PTPRD: variants seen among roughly 807,000 people sequenced by gnomAD.
The protein encoded by PTPRD is protein tyrosine phosphatase receptor type D.
In PTPRD, 34 loss-of-function variants were observed where a neutral mutation model predicts 214.5. That is an observed-to-expected ratio of 0.16 (90% CI 0.12 to 0.21). The LOEUF is 0.21. PTPRD is among the 10% of genes least tolerant of loss of function. The pLI is 1.00. For missense variants in PTPRD, 2,545 were observed against 2,398.7 expected, an observed-to-expected ratio of 1.06 and a Z score of -1.27; for synonymous variants, 1,128 against 845.7, an observed-to-expected ratio of 1.33 and a Z score of -5.79.
intron 8 of PTPRD, among the ~76,000 whole-genome samples, chr9:9,422,043 C>T (rs1369706197): frequency 1.3e-5 from 2 of 151,598 alleles, no homozygotes; most frequent in East Asian, 3.9e-4. Flanking sequence ...AAGCTTTTGA[C>T]ATCTATGGAC....
chr9:10,326,507 T>TTTG (rs967925994), intron 3 of PTPRD, among the ~76,000 whole-genome samples: 1 of 151,642 alleles, frequency 6.6e-6, no homozygotes, highest in Non-Finnish European at 1.5e-5. Flanking sequence ...TATTTATTTG[T>TTTG]TTGTTGTTGT....
At chr9:9,021,010 G>C (rs2099567927) in intron 10 of PTPRD, among the ~76,000 whole-genome samples, 1 of 152,054 alleles carries the variant, frequency 6.6e-6, no homozygotes, top group Non-Finnish European at 1.5e-5. Context: ...ATGTAGGCAG[G>C]ACACAAAAAC....
intron 3 of PTPRD, among the ~76,000 whole-genome samples, chr9:10,240,355 T>C (rs1434175868): frequency 1.3e-5 from 2 of 151,744 alleles, no homozygotes; most frequent in South Asian, 2.1e-4. Flanking sequence ...ACCCTTATGA[T>C]AGAGAGGAAA....
At chr9:10,269,763 C>T (rs558986733) in intron 3 of PTPRD, among the ~76,000 whole-genome samples, 1 of 151,176 alleles carries the variant, frequency 6.6e-6, no homozygotes, top group Admixed American at 6.6e-5. Context: ...TTGTGTTTTA[C>T]AAAAATATCT....
chr9:10,595,089 T>C (rs2076316191), intron 2 of PTPRD, among the ~76,000 whole-genome samples: 2 of 151,888 alleles, frequency 1.3e-5, no homozygotes, highest in African/African-American at 2.4e-5. Context: ...AATTTGCTTA[T>C]ATTGTTTCGT....
chr9:10,337,149 CA>C (rs1264576122), intron 3 of PTPRD, among the ~76,000 whole-genome samples: 3 of 151,588 alleles, frequency 2.0e-5, no homozygotes, highest in African/African-American at 7.3e-5. Context: ...TCGAGTGGCC[CA>C]ATTTTGGTTT....
At chr9:8,378,090 C>A (rs1475093805) in intron 37 of PTPRD, among the ~76,000 whole-genome samples, 1 of 152,070 alleles carries the variant, frequency 6.6e-6, no homozygotes, top group African/African-American at 2.4e-5. Flanking sequence ...TGAGACCACA[C>A]AAACATCATC....
At chr9:8,829,330 T>C (rs958642740) in intron 11 of PTPRD, among the ~76,000 whole-genome samples, 5 of 152,172 alleles carry the variant, frequency 3.3e-5, no homozygotes, top group Non-Finnish European at 7.3e-5. Flanking sequence ...ACTGTCATGA[T>C]TTTTGTCACT....
intron 10 of PTPRD, among the ~76,000 whole-genome samples, chr9:9,086,609 G>A (rs1346259860): frequency 6.6e-6 from 1 of 152,126 alleles, no homozygotes; most frequent in African/African-American, 2.4e-5. Context: ...CTGCAGCTGT[G>A]GAAAGTGGGC....
chr9:8,923,445 C>T (rs73432756), intron 11 of PTPRD, among the ~76,000 whole-genome samples: 1 of 151,924 alleles, frequency 6.6e-6, no homozygotes, highest in African/African-American at 2.4e-5. Flanking sequence ...GCCCCAACCA[C>T]ACTCCACTCC....
chr9:8,599,102 C>A (rs377639028), intron 14 of PTPRD, among the ~76,000 whole-genome samples: 13 of 152,194 alleles, frequency 8.5e-5, no homozygotes, highest in African/African-American at 3.1e-4. Flanking sequence ...AGACTTAATA[C>A]GTCTCATGAG....
intron 6 of PTPRD, among the ~76,000 whole-genome samples, chr9:9,748,062 T>A (rs888516945): frequency 2.0e-5 from 3 of 152,146 alleles, no homozygotes; most frequent in African/African-American, 7.2e-5. Flanking sequence ...GAATGGCATC[T>A]CAGCAAGGGT....
intron 4 of PTPRD, among the ~76,000 whole-genome samples, chr9:9,982,529 T>C (rs2095579685): frequency 6.6e-6 from 1 of 151,366 alleles, no homozygotes; most frequent in African/African-American, 2.4e-5. Flanking sequence ...CATAAACTAA[T>C]TGCAATTCTC....
At chr9:9,343,974 T>C (rs947581294) in intron 9 of PTPRD, among the ~76,000 whole-genome samples, 6 of 152,172 alleles carry the variant, frequency 3.9e-5, no homozygotes, top group Non-Finnish European at 8.8e-5. Flanking sequence ...CTTATTTTTC[T>C]TCCTAACTGA....
intron 11 of PTPRD, among the ~76,000 whole-genome samples, chr9:8,748,896 G>A (rs2093204943): frequency 6.6e-6 from 1 of 152,060 alleles, no homozygotes; most frequent in South Asian, 2.1e-4. Flanking sequence ...GGTAATAAGA[G>A]CAAAACTCCA....
chr9:8,711,850 G>C (rs756709123), intron 12 of PTPRD, among the ~76,000 whole-genome samples: 1 of 152,206 alleles, frequency 6.6e-6, no homozygotes, highest in Non-Finnish European at 1.5e-5. Context: ...AAATAAAACT[G>C]TGATACGGAT....
At chr9:9,620,735 T>C (rs1252576978) in intron 7 of PTPRD, among the ~76,000 whole-genome samples, 1 of 152,116 alleles carries the variant, frequency 6.6e-6, no homozygotes, top group African/African-American at 2.4e-5. Flanking sequence ...ACATAATATA[T>C]GTTAGCTCTT....
At chr9:8,861,466 G>A (rs1291489605) in intron 11 of PTPRD, 1 of 151,624 alleles carries the variant, frequency 6.6e-6, no homozygotes, top group Non-Finnish European at 1.5e-5. Flanking sequence ...CTTCCTTTTT[G>A]ATCATGTGGC....
At chr9:8,392,376 C>G (rs552267112) in intron 36 of PTPRD, among the ~76,000 whole-genome samples, 26 of 151,896 alleles carry the variant, frequency 1.7e-4, no homozygotes, top group Non-Finnish European at 3.7e-4. Context: ...ACACTAAAAA[C>G]TTGGCTGGAT....
Sources: allele counts gnomAD v4.1 joint callset (sites outside exome capture counted in the v4.1 genomes callset), GRCh38; gene constraint gnomAD v4.1.1; transcripts MANE v1.5; gene names NCBI Gene and HGNC (gene_info 2026-07-23, HGNC 2026-07-21).